The following REXO5 variants were observed in gnomAD, a reference collection of about 807,000 sequenced individuals.
REXO5 encodes the protein RNA exonuclease 5, also known as exonuclease NEF-sp.
In REXO5, 48 loss-of-function variants were observed where a neutral mutation model predicts 88.5. That is an observed-to-expected ratio of 0.54 (90% CI 0.43 to 0.69). The LOEUF (loss-of-function observed/expected upper bound fraction) is 0.69, where lower values mean the gene tolerates loss of function less well. Ranked by LOEUF, REXO5 falls within the 30% of genes least tolerant of loss-of-function variation. The pLI is 0.00. For synonymous variants in REXO5, 311 were observed against 336.5 expected (o/e 0.92, Z 0.83); for missense variants, 749 against 912.2 (o/e 0.82, Z 2.30).
At position 20,839,464 on chromosome 16, in the gene REXO5, T is replaced by G. The variant is rs1380695259; in HGVS notation, c.1384-291T>G. On this transcript the variant is annotated intron_variant, in intron 13 of 19. Transcript: ENST00000261377. ...CAGTTTACAATAGTGGGAGTTACAC[T>G]TATTTATTTAATTACAGGTCATTTG... Among the ~76,000 whole-genome samples, 6 of 152,152 alleles carry G rather than the reference T, an allele frequency of 3.9e-5. 1 individual carries two copies. Among genetic ancestry groups the G allele is most frequent in the Non-Finnish European group, 8.8e-5 (6 of 68,016 alleles).
chr16:20,846,240 C>T lies in REXO5; in HGVS notation c.2144C>T (p.Pro715Leu), dbSNP rs118109402. ...EALQTLKLDH[P>L]KIAAWRWSRK... is the part of the protein sequence containing the mutation. ...TCCCAGACTCTGAAACTGGACCACC[C>T]GAAGATAGCAGCCTGGCGCTGGAGC... Residue 715 changes from proline to leucine, a missense_variant, in exon 19 of 20, where the codon CCG becomes CTG. Pro to Leu is a moderately conservative substitution (Grantham distance 98). Coordinates refer to ENST00000261377, the MANE Select transcript of REXO5 (RefSeq NM_030941.3). 1,871 of 1,613,960 alleles carry T rather than the reference C, an allele frequency of 1.2e-3. 1 individual carries two copies. The highest frequency in any genetic ancestry group is 1.5e-3 in the Non-Finnish European group (1,793 of 1,179,906).
chr16:20,811,297 T>C (rs774140693), intron 2 of REXO5, among the ~76,000 whole-genome samples: 3 of 152,200 alleles, frequency 2.0e-5, no homozygotes, highest in Non-Finnish European at 4.4e-5. Flanking sequence ...CAAACTGGCA[T>C]ATTCTTTCAG....
At chr16:20,817,406 A>G (rs2081097646) in intron 5 of REXO5, among the ~76,000 whole-genome samples, 2 of 152,262 alleles carry the variant, frequency 1.3e-5, no homozygotes, top group African/African-American at 4.8e-5. Flanking sequence ...AGATGTAATC[A>G]GGAAAAAGAA....
In REXO5 at chr16:20,840,378, T is replaced by C; in HGVS notation, c.1536T>C (p.Phe512=). The change falls in exon 15 of 20, where the codon TTT becomes TTC. Residue 512 remains phenylalanine (F), a synonymous_variant. Transcript: ENST00000261377. ...TATCAACTGTCTATGCTGGGCCATT[T>C]AGCAAAAATTGCAATCTCAGGGCTC... ...TEISTVYAGP[F]SKNCNLRALK... is the part of the protein sequence containing the mutation. 1 of 1,585,976 alleles carries C rather than the reference T, an allele frequency of 6.3e-7. No homozygotes were observed. Among genetic ancestry groups the C allele is most frequent in the African/African-American group, 1.3e-5 (1 of 74,758 alleles).
intron 2 of REXO5, among the ~76,000 whole-genome samples, chr16:20,810,018 T>C (rs144172488): frequency 2.6e-5 from 4 of 152,362 alleles, no homozygotes; most frequent in Admixed American, 6.5e-5. Context: ...TTAAGCTAGC[T>C]TCTGTGGCCT....
chr16:20,845,531 A>T (rs2081594636), intron 18 of REXO5, among the ~76,000 whole-genome samples: 1 of 152,096 alleles, frequency 6.6e-6, no homozygotes, highest in Admixed American at 6.6e-5. Context: ...GGTTTCCCAA[A>T]GTGTGGTATA....
Position 20,814,106 on chromosome 16 carries a change from G to A in REXO5, c.251+804G>A, listed in dbSNP as rs1052315859. Among the ~76,000 whole-genome samples the A allele has an allele frequency of 3.3e-4, 48 of 145,664 alleles. 1 individual carries two copies. The highest frequency in any genetic ancestry group is 2.9e-3 in the Admixed American group (43 of 14,738). On this transcript the variant is annotated intron_variant, in intron 3 of 19. Transcript: ENST00000261377. ...CTAAAACTGTTTTTTTTTTTTTTTG[G>A]TAGGTTTTATGTCTCTATTGCAACT...
intron 15 of REXO5, among the ~76,000 whole-genome samples, chr16:20,843,160 T>C (rs1438781650): frequency 6.6e-6 from 1 of 152,234 alleles, no homozygotes; most frequent in African/African-American, 2.4e-5. Context: ...TTGCCCTTTT[T>C]TTCTTATTTA....
intron 11 of REXO5, among the ~76,000 whole-genome samples, chr16:20,830,752 A>G (rs531933457): frequency 2.6e-5 from 4 of 152,220 alleles, no homozygotes; most frequent in Non-Finnish European, 4.4e-5. Flanking sequence ...AACTTCAGGC[A>G]TCTCTGGTTC....
At chr16:20,813,108 A>G (rs2081025361) in intron 2 of REXO5, 82 bp from the exon 3 acceptor site, 2 of 912,382 alleles carry the variant, frequency 2.2e-6, no homozygotes, top group South Asian at 2.7e-5. Flanking sequence ...TAAAGTAATC[A>G]GAAGCTAGAA....
At chr16:20,827,700 C>T (rs1033223058) in intron 10 of REXO5, among the ~76,000 whole-genome samples, 7 of 152,140 alleles carry the variant, frequency 4.6e-5, no homozygotes, top group Admixed American at 1.3e-4. Flanking sequence ...ACATAACATA[C>T]CTATATGCCT....
At chr16:20,825,776 TAAG>T in intron 7 of REXO5, 54 bp from the exon 8 acceptor site, 3 of 1,229,616 alleles carry the variant, frequency 2.4e-6, no homozygotes, top group South Asian at 2.6e-5. Flanking sequence ...GTGTAAATAG[TAAG>T]AAGAAGCAAT....
At chr16:20,830,022 C>CA (rs200285825) in intron 11 of REXO5, among the ~76,000 whole-genome samples, 4 of 151,990 alleles carry the variant, frequency 2.6e-5, no homozygotes, top group East Asian at 1.9e-4. Context: ...TATTTATTTA[C>CA]AAAAAAATAT....
intron 2 of REXO5, chr16:20,807,313 T>G (rs1473986242): frequency 1.8e-6 from 1 of 568,610 alleles, no homozygotes; most frequent in African/African-American, 1.9e-5. Flanking sequence ...GTGCGGTGGC[T>G]CATGCCTGTA....
chr16:20,806,831 A>C (rs1453351962), intron 1 of REXO5, 121 bp from the exon 2 acceptor site: 57 of 1,395,910 alleles, frequency 4.1e-5, no homozygotes, highest in Non-Finnish European at 5.1e-5. Flanking sequence ...AACTGAATTG[A>C]GAAGCGGATC....
intron 3 of REXO5, among the ~76,000 whole-genome samples, chr16:20,814,019 G>C (rs1033411534): frequency 1.3e-5 from 2 of 151,916 alleles, no homozygotes; most frequent in African/African-American, 2.4e-5. Context: ...TTATGAATTG[G>C]CTAGCTACTT....
chr16:20,849,312 G>A, intron 19 of REXO5, 87 bp from the exon 20 acceptor site: 1 of 1,299,408 alleles, frequency 7.7e-7, no homozygotes, highest in South Asian at 1.2e-5. Context: ...ACACATACTT[G>A]GAAAAATATC....
At chr16:20,816,783 G>A (rs561845759) in intron 5 of REXO5, among the ~76,000 whole-genome samples, 24 of 152,310 alleles carry the variant, frequency 1.6e-4, no homozygotes, top group Middle Eastern at 3.4e-3. Context: ...GGACTCTTAT[G>A]AATTACTGTG....
chr16:20,814,664 T>C (rs1218908141), intron 3 of REXO5, among the ~76,000 whole-genome samples: 1 of 152,214 alleles, frequency 6.6e-6, no homozygotes, highest in Non-Finnish European at 1.5e-5. Flanking sequence ...CAAACCTTAA[T>C]AGGACTGTGA....
Sources: allele counts gnomAD v4.1 joint callset (sites outside exome capture counted in the v4.1 genomes callset), GRCh38; gene constraint gnomAD v4.1.1; transcripts MANE v1.5; gene names NCBI Gene and HGNC (gene_info 2026-07-23, HGNC 2026-07-21).